PTPRO: variants seen among roughly 807,000 people sequenced by gnomAD.
The protein encoded by PTPRO is receptor-type tyrosine-protein phosphatase O.
Under a neutral mutation model 145.2 loss-of-function variants are expected in PTPRO, and 62 were observed. That is an observed-to-expected ratio of 0.43 (90% CI 0.35 to 0.53). The LOEUF (loss-of-function observed/expected upper bound fraction) is 0.53. PTPRO is among the 20% of genes least tolerant of loss of function. The pLI, the probability that PTPRO is intolerant of heterozygous loss-of-function variation, is 0.01. For synonymous variants in PTPRO, 565 were observed against 514.7 expected (o/e 1.10, Z -1.32); for missense variants, 1,345 against 1,482.7 (o/e 0.91, Z 1.53).
At chr12:15,445,292 T>C (rs1342429330) in intron 1 of PTPRO, among the ~76,000 whole-genome samples, 2 of 152,188 alleles carry the variant, frequency 1.3e-5, no homozygotes, top group Non-Finnish European at 2.9e-5. Context: ...ATCTAAATAT[T>C]AGGACTCATT....
At chr12:15,558,353 C>T (rs1437211820) in intron 16 of PTPRO, among the ~76,000 whole-genome samples, 1 of 152,114 alleles carries the variant, frequency 6.6e-6, no homozygotes, top group East Asian at 1.9e-4. Flanking sequence ...AATATCAAAG[C>T]CAGTGAAGTT....
intron 6 of PTPRO, among the ~76,000 whole-genome samples, chr12:15,504,812 C>T (rs142675811): frequency 0.02 from 3,106 of 152,280 alleles, 53 homozygotes; most frequent in Non-Finnish European, 0.027. Flanking sequence ...ACCACATATC[C>T]TATTGCCATC....
chr12:15,338,492 A>G (rs1478243075), intron 1 of PTPRO, among the ~76,000 whole-genome samples: 1 of 152,172 alleles, frequency 6.6e-6, no homozygotes, highest in African/African-American at 2.4e-5. Flanking sequence ...TTTATTATGA[A>G]GCACGTTGTA....
At chr12:15,452,089 A>G (rs1339634474) in intron 1 of PTPRO, among the ~76,000 whole-genome samples, 3 of 152,176 alleles carry the variant, frequency 2.0e-5, no homozygotes. Flanking sequence ...AAACTGATAG[A>G]CCATTAGTGA....
At chr12:15,464,555 G>C (rs917230253) in intron 1 of PTPRO, among the ~76,000 whole-genome samples, 1 of 151,368 alleles carries the variant, frequency 6.6e-6, no homozygotes, top group Non-Finnish European at 1.5e-5. Flanking sequence ...TAATAGAGGG[G>C]GGTTTCACCA....
At chr12:15,422,266 C>G (rs1457542) in intron 1 of PTPRO, among the ~76,000 whole-genome samples, 1 of 151,960 alleles carries the variant, frequency 6.6e-6, no homozygotes, top group Non-Finnish European at 1.5e-5. Context: ...ACCAGGTTTT[C>G]TTGTTTTTTG....
chr12:15,396,030 C>A lies in PTPRO; in HGVS notation c.75+73229C>A, dbSNP rs1197364161. Among the ~76,000 whole-genome samples, 10 of 152,292 alleles carry A rather than the reference C, an allele frequency of 6.6e-5. No homozygotes were observed. In the East Asian group the frequency reaches 1.3e-3, roughly 21 times the overall value. ...CATTTACCACTGTGAACACAGATCA[C>A]CAGTGTGCACAAGCATACATCTGTG... On this transcript the variant is annotated intron_variant, in intron 1 of 26. Transcript: ENST00000281171.
At chr12:15,404,233 C>G (rs527845046) in intron 1 of PTPRO, among the ~76,000 whole-genome samples, 1 of 137,820 alleles carries the variant, frequency 7.3e-6, no homozygotes, top group Non-Finnish European at 1.6e-5. Context: ...TTGTTTGGTA[C>G]ATAAAATAAA....
chr12:15,519,136 G>A (rs11056544), intron 9 of PTPRO, among the ~76,000 whole-genome samples: 66,013 of 152,106 alleles, frequency 0.43, 14,879 homozygotes, highest in African/African-American at 0.55. Flanking sequence ...ATCATGGCGG[G>A]AGGCAAAGAG....
chr12:15,454,693 T>C (rs1398002592), intron 1 of PTPRO, among the ~76,000 whole-genome samples: 2 of 152,176 alleles, frequency 1.3e-5, no homozygotes, highest in Non-Finnish European at 2.9e-5. Flanking sequence ...TATACATTCT[T>C]CTAGGAGTTT....
chr12:15,561,202 A>C (rs1943764336), intron 17 of PTPRO, among the ~76,000 whole-genome samples: 1 of 152,126 alleles, frequency 6.6e-6, no homozygotes, highest in Non-Finnish European at 1.5e-5. Flanking sequence ...CAACTTGAAA[A>C]GGTCTCAGAA....
chr12:15,371,839 G>A (rs1348955398), intron 1 of PTPRO, among the ~76,000 whole-genome samples: 1 of 152,008 alleles, frequency 6.6e-6, no homozygotes, highest in South Asian at 2.1e-4. Context: ...GGTTTTATAA[G>A]GGGCTCTTCC....
chr12:15,523,860 G>C (rs373984451), intron 10 of PTPRO, among the ~76,000 whole-genome samples: 59 of 152,020 alleles, frequency 3.9e-4, no homozygotes, highest in African/African-American at 1.4e-3. Flanking sequence ...TGCAGTGGCA[G>C]GCTCATGCCT....
intron 1 of PTPRO, among the ~76,000 whole-genome samples, chr12:15,473,660 G>A (rs951855738): frequency 1.2e-4 from 18 of 151,312 alleles, no homozygotes; most frequent in South Asian, 4.2e-4. Flanking sequence ...CCAGCTACTC[G>A]GGAGGCTGAG....
chr12:15,484,121 A>G lies in PTPRO; in HGVS notation c.223A>G (p.Asn75Asp). Residue 75 changes from asparagine (N) to aspartate (D), a missense_variant, in exon 2 of 27, where the codon AAC (asparagine) becomes GAC (aspartate). Physicochemically the swap from Asn to Asp is conservative, Grantham distance 23 (BLOSUM62 1). Around this residue, in one of 3 missense-constraint regions of PTPRO, gnomAD observed 1,130 missense variants for 1,214.7 expected, o/e 0.93. Coordinates refer to ENST00000281171, the MANE Select transcript of PTPRO (RefSeq NM_030667.3). ...KNYFFEFEEF[N>D]STLPPPVIFK... ...TTATTTCTTCGAATTTGAGGAATTCAACAGCACTTTGCCTCCTCCTGTTAT... is the reference window on the plus strand; with the variant it reads ...TTATTTCTTCGAATTTGAGGAATTCGACAGCACTTTGCCTCCTCCTGTTAT... The G allele has an allele frequency of 6.2e-7, 1 of 1,613,866 alleles. No individual in the cohort carries two copies. Among genetic ancestry groups the G allele is most frequent in the South Asian group, 1.1e-5 (1 of 91,074 alleles).
intron 1 of PTPRO, among the ~76,000 whole-genome samples, chr12:15,378,644 C>T (rs1000149791): frequency 1.3e-5 from 2 of 152,090 alleles, no homozygotes; most frequent in Non-Finnish European, 2.9e-5. Context: ...GTTCTACACA[C>T]TTTACACACA....
chr12:15,577,932 C>T (rs866105700), intron 19 of PTPRO, among the ~76,000 whole-genome samples: 1 of 152,172 alleles, frequency 6.6e-6, no homozygotes. Flanking sequence ...CCCCTTTCCC[C>T]ATAACATACC....
chr12:15,464,003 T>A (rs1420415558), intron 1 of PTPRO, among the ~76,000 whole-genome samples: 3 of 152,126 alleles, frequency 2.0e-5, no homozygotes, highest in African/African-American at 4.8e-5. Flanking sequence ...CTGTATACTG[T>A]GATAGATGAT....
intron 1 of PTPRO, among the ~76,000 whole-genome samples, chr12:15,438,168 A>C (rs1232635065): frequency 6.6e-6 from 1 of 152,224 alleles, no homozygotes; most frequent in Non-Finnish European, 1.5e-5. Flanking sequence ...GGGAAAGAGA[A>C]TAATAGTAAT....
Sources: gnomAD v4.1 joint callset for allele counts (sites outside exome capture counted in the v4.1 genomes callset) on GRCh38, gnomAD v4.1.1 for gene constraint, gnomAD v4.1.1 regional missense constraint, MANE v1.5 for transcripts, NCBI Gene and HGNC (gene_info 2026-07-23, HGNC 2026-07-21) for gene names.